Variants in STAT6 observed in about 807,000 individuals in gnomAD.
STAT6 encodes STAT, interleukin4-induced.
STAT6 carries 45 observed loss-of-function variants against 106.3 expected under a neutral mutation model. The ratio of observed to expected loss-of-function variants is 0.42; its 90% CI spans 0.33 to 0.54. The LOEUF is 0.54. Among genes scored for constraint, STAT6 ranks in the 20% least tolerant of loss-of-function variants. The pLI, the probability that STAT6 is intolerant of heterozygous loss-of-function variation, is 0.06. For missense variants in STAT6, 797 were observed against 1,062.2 expected (o/e 0.75, Z 3.47); for synonymous variants, 413 against 413.6 (o/e 1.00, Z 0.02).
rs757410395 is a variant in STAT6, at chr12:57,104,636, C to T, written c.1090-50G>A. 30 of 1,612,366 alleles carry T rather than the reference C, an allele frequency of 1.9e-5. No homozygotes were observed. The East Asian group carries it at 2.2e-4, about 12-fold the overall frequency. ...AGGGCGAGGTCATGAGGACAGAGAC[C>T]GCTCCTCCTGGGCTTCCTGACATCC... is the stretch of plus-strand genomic sequence containing the variant. On this transcript the variant is annotated intron_variant, in intron 10 of 21. Transcript: ENST00000300134.
At chr12:57,104,228 G>C (rs1398813575) in intron 11 of STAT6, 4 of 556,924 alleles carry the variant, frequency 7.2e-6, no homozygotes, top group African/African-American at 5.7e-5. Flanking sequence ...TCATTTAATA[G>C]AGTGCCCTGG....
rs537533513 is a variant in STAT6, at chr12:57,096,552, G to A, written c.*20C>T. On this transcript the variant is annotated 3_prime_UTR_variant, in exon 22 of 22. Coordinates refer to ENST00000300134, the MANE Select transcript of STAT6 (RefSeq NM_003153.5). ...GGGTAGTAGAAGAGCTGTCTCTTTG[G>A]GTTCTCCCTCCAGCTGGGATCACCA... 6.4e-7 allele frequency: 1 copy of A among 1,556,920 alleles called. No individual in the cohort carries two copies. Among genetic ancestry groups the A allele is most frequent in the South Asian group, 1.2e-5 (1 of 81,586 alleles).
rs1565682687 is a variant in STAT6 at position 57,099,864 on chromosome 12, G to A, written c.1647C>T (p.Ser549=). The A allele has an allele frequency of 1.2e-6, 2 of 1,614,244 alleles. No homozygotes were observed. Among genetic ancestry groups the A allele is most frequent in the Non-Finnish European group, 1.7e-6 (2 of 1,180,040 alleles). The change falls in exon 15 of 22, where the codon AGC becomes AGT. Residue 549 remains serine, a synonymous_variant. Coordinates refer to ENST00000300134, the MANE Select transcript of STAT6 (RefSeq NM_003153.5). This position sits in a 1 kb window ranked among gnomAD's most constrained non-coding sequence, Gnocchi z 4.7. Reference sequence around the variant, plus strand: ...TTCCGTCGGGCTCATTGAGAAGAAGGCTAGTAACGTACTGTTTGCTGATGA... The same window carrying A: ...TTCCGTCGGGCTCATTGAGAAGAAGACTAGTAACGTACTGTTTGCTGATGA... ...IGFISKQYVT[S]LLLNEPDGTF... is the part of the protein sequence containing the mutation.
chr12:57,098,556 T>A lies in STAT6; in HGVS notation c.2108A>T (p.Tyr703Phe). Residue 703 changes from tyrosine to phenylalanine, a missense_variant, in exon 19 of 22, where the codon TAT (tyrosine) becomes TTT (phenylalanine). Coordinates refer to ENST00000300134, the MANE Select transcript of STAT6 (RefSeq NM_003153.5). ...YPPHSHSIPPYQGLSPEESVN... is the reference protein window; with the variant it reads ...YPPHSHSIPPFQGLSPEESVN... ...TGATTCTTCTGGGGAGAGGCCTTGA[T>A]ACGGGGGGATGGAGTGAGAGTGTGG... 6.2e-7 allele frequency: 1 copy of A among 1,614,118 alleles called. No individual in the cohort carries two copies. Among genetic ancestry groups the A allele is most frequent in the South Asian group, 1.1e-5 (1 of 91,090 alleles).
chr12:57,096,491 G>T lies in STAT6; in HGVS notation c.*81C>A. On this transcript the variant is annotated 3_prime_UTR_variant, in exon 22 of 22. Coordinates refer to ENST00000300134, the MANE Select transcript of STAT6 (RefSeq NM_003153.5). The stretch of plus-strand genomic sequence containing the variant: ...GGGCACCCTCCCCATCTGCTGCTTG[G>T]CAGGGCATGAGCAAGTGTCCAGAGC... 1.5e-6 allele frequency: 2 copies of T among 1,376,082 alleles called. No individual in the cohort carries two copies. Among genetic ancestry groups the T allele is most frequent in the Non-Finnish European group, 2.0e-6 (2 of 1,014,778 alleles). The allele number at this position is 1,376,082 out of a possible 1,614,324, so 85.2% of individuals were successfully genotyped here.
At chr12:57,105,691 C>T in intron 7 of STAT6, 92 bp from the exon 8 acceptor site, 4 of 1,497,268 alleles carry the variant, frequency 2.7e-6, no homozygotes, top group Non-Finnish European at 3.6e-6. Flanking sequence ...GAAAGGCTAT[C>T]ATGTGTGGAG....
chr12:57,108,294 G>A lies in STAT6; in HGVS notation c.-16C>T, dbSNP rs201690691. 1.3e-6 allele frequency: 2 copies of A among 1,560,912 alleles called. No homozygotes were observed. Among genetic ancestry groups the A allele is most frequent in the Non-Finnish European group, 1.8e-6 (2 of 1,137,432 alleles). On this transcript the variant is annotated 5_prime_UTR_variant, in exon 2 of 22. Transcript: ENST00000300134. ...ACAGAGACATGATCTGGGACTTGGA[G>A]GTTGCCTGGAGGAGAAAAATAAGGC...
chr12:57,100,734 GAAAGAAAGAAAGA>G (rs2033866151), intron 13 of STAT6: 1 of 146,784 alleles, frequency 6.8e-6, no homozygotes, highest in African/African-American at 3.7e-5. Flanking sequence ...AAGAAAGAAA[GAAAGAAAGAAAGA>G]AAAGAAAAAA....
In STAT6 at chr12:57,099,145, G is replaced by T; in HGVS notation, c.1892-67C>A. ...TTAGGGAGGAAGGGAGGTGGAAAAG[G>T]TGGGCATGGATCATGGGGAAGTAAG... On this transcript the variant is annotated intron_variant, in intron 16 of 21. Coordinates refer to ENST00000300134, the MANE Select transcript of STAT6 (RefSeq NM_003153.5). This position sits in a 1 kb window ranked among gnomAD's most constrained non-coding sequence, Gnocchi z 4.7. The T allele has an allele frequency of 6.2e-7, 1 of 1,605,202 alleles. No homozygotes were observed. Among genetic ancestry groups the T allele is most frequent in the Non-Finnish European group, 8.5e-7 (1 of 1,172,980 alleles).
intron 1 of STAT6, among the ~76,000 whole-genome samples, chr12:57,109,543 GT>G (rs1232288104): frequency 6.6e-6 from 1 of 152,158 alleles, no homozygotes; most frequent in Non-Finnish European, 1.5e-5. Flanking sequence ...ATCCTAAGAA[GT>G]GGGGGAAGGT....
Position 57,098,998 on chromosome 12 carries a change from CA to C in STAT6, c.1955+16del. ...CTAAGCCCCTGACCTACCCACTGTC[CA>C]TACCACCACACTCACCTTTCCACGG... On this transcript the variant is annotated intron_variant, in intron 17 of 21. Transcript: ENST00000300134. The C allele has an allele frequency of 1.9e-6, 3 of 1,614,198 alleles. No homozygotes were observed. Among genetic ancestry groups the C allele is most frequent in the Non-Finnish European group, 2.5e-6 (3 of 1,180,038 alleles).
intron 12 of STAT6, 129 bp from the exon 13 acceptor site, chr12:57,102,625 G>GT (rs2034005412): frequency 1.6e-5 from 17 of 1,088,708 alleles, no homozygotes; most frequent in Non-Finnish European, 2.2e-5. Context: ...CAAACATGCT[G>GT]TTTTTTCTAG....
intron 13 of STAT6, 31 bp from the exon 14 acceptor site, chr12:57,100,121 A>G: frequency 6.4e-7 from 1 of 1,555,004 alleles, no homozygotes; most frequent in Non-Finnish European, 8.7e-7. Flanking sequence ...GTGTGAGCCG[A>G]GGGAGGGCCA....
intron 1 of STAT6, among the ~76,000 whole-genome samples, chr12:57,110,908 G>A (rs555549889): frequency 4.3e-4 from 65 of 152,148 alleles, no homozygotes; most frequent in African/African-American, 1.4e-3. Flanking sequence ...CTGTGAAAAC[G>A]TGACCCATGG....
chr12:57,107,575 C>T (rs1460082626), intron 3 of STAT6, 30 bp downstream of exon 3: 1 of 1,608,948 alleles, frequency 6.2e-7, no homozygotes, highest in Non-Finnish European at 8.5e-7. Context: ...TCAGCCCCAC[C>T]CAGCCTTGTC....
At position 57,107,559 on chromosome 12, in the gene STAT6, TCA is replaced by T. The variant is rs779293443; in HGVS notation, c.255+44_255+45del. On this transcript the variant is annotated intron_variant, in intron 3 of 21. Coordinates refer to ENST00000300134, the MANE Select transcript of STAT6 (RefSeq NM_003153.5). ...TCCAGGGCCCAATGCTCAACCCAGT[TCA>T]ACCTCAGCCCCACCCAGCCTTGTCC... 132 of 1,600,118 alleles carry T rather than the reference TCA, an allele frequency of 8.2e-5. 1 individual carries two copies. The highest frequency in any genetic ancestry group is 1.7e-5 in the Admixed American group (1 of 58,914).
chr12:57,110,082 C>T (rs1398051110), intron 1 of STAT6: 1 of 152,356 alleles, frequency 6.6e-6, no homozygotes, highest in Non-Finnish European at 1.5e-5. Flanking sequence ...CTTACCCCTC[C>T]TGCTCAGGTT....
chr12:57,105,318 C>T lies in STAT6; in HGVS notation c.834G>A (p.Gln278=). Residue 278 remains glutamine (Q), a synonymous_variant, in exon 9 of 22, where the codon CAG becomes CAA. Coordinates refer to ENST00000300134, the MANE Select transcript of STAT6 (RefSeq NM_003153.5). ...TCTGAGTCTTCAGTACCTGGGGGGG[C>T]TGCTTCTCCACCAGGAAGCAACTGG... ...LVTSCFLVEK[Q]PPQVLKTQTK... is the part of the protein sequence containing the mutation. 6.2e-7 allele frequency: 1 copy of T among 1,614,080 alleles called. No individual in the cohort carries two copies. Among genetic ancestry groups the T allele is most frequent in the Non-Finnish European group, 8.5e-7 (1 of 1,179,964 alleles).
rs1406571388 is a variant in STAT6 at position 57,098,873 on chromosome 12, T to G, written c.1985A>C (p.Gln662Pro). The G allele has an allele frequency of 1.9e-6, 3 of 1,613,670 alleles. No individual in the cohort carries two copies. Among genetic ancestry groups the G allele is most frequent in the Non-Finnish European group, 2.5e-6 (3 of 1,179,834 alleles). ...ATAAGAAGGCACCATGGTAGGCATC[T>G]GGAGCTCTGGGGTAGGAAGTGGTTG... Reference protein sequence around the residue: ...RDQPLPTPELQMPTMVPSYDL... With the variant: ...RDQPLPTPELPMPTMVPSYDL... The change falls in exon 18 of 22, where the codon CAG becomes CCG. Residue 662 changes from glutamine to proline, a missense_variant. By Grantham distance (76) the Gln-to-Pro change is moderately conservative. Coordinates refer to ENST00000300134, the MANE Select transcript of STAT6 (RefSeq NM_003153.5).
Sources: gnomAD v4.1 joint callset for allele counts (sites outside exome capture counted in the v4.1 genomes callset) on GRCh38, gnomAD v4.1.1 for gene constraint, Gnocchi (gnomAD v3.1) non-coding constraint, MANE v1.5 for transcripts, NCBI Gene and HGNC (gene_info 2026-07-23, HGNC 2026-07-21) for gene names.